The following PPARGC1A variants were observed in gnomAD, a reference collection of about 807,000 sequenced individuals.
The protein encoded by PPARGC1A is PPARG coactivator 1 alpha, also known as peroxisome proliferator-activated receptor gamma coactivator 1-alpha.
PPARGC1A carries 25 observed loss-of-function variants against 88.7 expected under a neutral mutation model. That is an observed-to-expected ratio of 0.28 (90% CI 0.21 to 0.39). PPARGC1A has a LOEUF of 0.39. Among genes scored for constraint, PPARGC1A ranks in the 10% least tolerant of loss-of-function variants. The pLI, the probability that PPARGC1A is intolerant of heterozygous loss-of-function variation, is 1.00. For missense variants in PPARGC1A, 880 were observed against 968.7 expected, an observed-to-expected ratio of 0.91 and a Z score of 1.22; for synonymous variants, 363 against 355.6, an observed-to-expected ratio of 1.02 and a Z score of -0.24.
At chr4:24,260,986 G>C in the PPARGC1A span, among the ~76,000 whole-genome samples, 1 of 152,012 alleles carries the variant, frequency 6.6e-6, no homozygotes, top group East Asian at 1.9e-4. Context: ...TGTGCACATG[G>C]GTTCATACAT....
chr4:24,143,864 A>G, the PPARGC1A span, among the ~76,000 whole-genome samples: 1 of 152,236 alleles, frequency 6.6e-6, no homozygotes, highest in Non-Finnish European at 1.5e-5. Context: ...CAAATTGGGG[A>G]CAAGCCAGTG....
chr4:24,462,629 G>C, the PPARGC1A span, among the ~76,000 whole-genome samples: 6 of 151,774 alleles, frequency 4.0e-5, no homozygotes, highest in Non-Finnish European at 7.4e-5. Context: ...AGGGTAATTT[G>C]ATGATGAAAT....
At chr4:24,114,878 A>G in the PPARGC1A span, among the ~76,000 whole-genome samples, 1 of 152,280 alleles carries the variant, frequency 6.6e-6, no homozygotes, top group East Asian at 1.9e-4. Context: ...TGTGTAGGCC[A>G]TTCTACTAAC....
the PPARGC1A span, among the ~76,000 whole-genome samples, chr4:24,431,955 G>A: frequency 6.6e-6 from 1 of 152,176 alleles, no homozygotes; most frequent in Non-Finnish European, 1.5e-5. Context: ...AGGTTGTTGG[G>A]AACCTTAGAA....
At chr4:24,410,571 T>C in the PPARGC1A span, among the ~76,000 whole-genome samples, 1 of 152,178 alleles carries the variant, frequency 6.6e-6, no homozygotes, top group Admixed American at 6.5e-5. Context: ...CCTGGATGTG[T>C]CTGTTAGGAT....
chr4:23,824,690 T>C (rs1342801190), intron 5 of PPARGC1A, among the ~76,000 whole-genome samples, 182 bp from the exon 6 acceptor site: 1 of 152,088 alleles, frequency 6.6e-6, no homozygotes, highest in Non-Finnish European at 1.5e-5. Flanking sequence ...CCAAACAGCG[T>C]TTGCATCAGT....
chr4:24,177,016 G>A, the PPARGC1A span, among the ~76,000 whole-genome samples: 3 of 152,146 alleles, frequency 2.0e-5, no homozygotes, highest in African/African-American at 7.2e-5. Flanking sequence ...TACACTGTTG[G>A]TGGGACTGTA....
chr4:24,470,324 A>ACACACACACACT, the PPARGC1A span, among the ~76,000 whole-genome samples: 93 of 107,838 alleles, frequency 8.6e-4, 1 homozygote, highest in African/African-American at 3.0e-3. This position sits in a 1 kb window ranked among gnomAD's most constrained non-coding sequence, Gnocchi z 5.8. Context: ...ACACACACAC[A>ACACACACACACT]CTCTCTCACA....
At chr4:24,409,008 AG>A in the PPARGC1A span, among the ~76,000 whole-genome samples, 6 of 152,226 alleles carry the variant, frequency 3.9e-5, no homozygotes, top group Admixed American at 6.5e-5. Context: ...CCAGTTGAGG[AG>A]GGGGGTAGAG....
Position 23,807,927 on chromosome 4 carries a change from C to T in PPARGC1A, c.2019+4820G>A, listed in dbSNP as rs189934476. ...TTAGAGTCACAATATAACATATACTCACCCACACAAAATATCTCTTTAAAG... is the reference window on the plus strand; with the variant it reads ...TTAGAGTCACAATATAACATATACTTACCCACACAAAATATCTCTTTAAAG... On this transcript the variant is annotated intron_variant, in intron 10 of 12. Transcript: ENST00000264867. Among the ~76,000 whole-genome samples the T allele has an allele frequency of 2.9e-3, 445 of 152,134 alleles. 2 individuals are homozygous for T. The highest frequency in any genetic ancestry group is 0.01 in the African/African-American group (419 of 41,500).
the PPARGC1A span, among the ~76,000 whole-genome samples, chr4:23,977,505 G>C: frequency 2.0e-5 from 3 of 152,080 alleles, no homozygotes; most frequent in African/African-American, 7.2e-5. Context: ...ATCTTATATA[G>C]GGCTACAATG....
the PPARGC1A span, among the ~76,000 whole-genome samples, chr4:23,949,414 G>C: frequency 6.6e-6 from 1 of 152,138 alleles, no homozygotes; most frequent in Non-Finnish European, 1.5e-5. Context: ...GCTGGCTATA[G>C]CTGCCAGCCA....
the PPARGC1A span, chr4:24,091,420 G>A: frequency 2.0e-6 from 2 of 980,376 alleles, no homozygotes; most frequent in African/African-American, 3.5e-5. Flanking sequence ...GGAGCCAAAA[G>A]AGTTGAGAGA....
At chr4:24,162,763 TG>T in the PPARGC1A span, among the ~76,000 whole-genome samples, 1 of 151,808 alleles carries the variant, frequency 6.6e-6, no homozygotes, top group Non-Finnish European at 1.5e-5. Context: ...ATCTAATTTT[TG>T]TATTTTTTTA....
At chr4:24,114,123 C>CA in the PPARGC1A span, among the ~76,000 whole-genome samples, 23,943 of 61,334 alleles carry the variant, frequency 0.39, 3,780 homozygotes, top group East Asian at 0.56. Context: ...GACTCCATCA[C>CA]AAAAAAAAAA....
chr4:23,972,941 G>A, the PPARGC1A span, among the ~76,000 whole-genome samples: 1 of 152,140 alleles, frequency 6.6e-6, no homozygotes, highest in Non-Finnish European at 1.5e-5. Context: ...TCCTATGTGT[G>A]CCAGTGATGT....
chr4:23,913,998 T>C, the PPARGC1A span, among the ~76,000 whole-genome samples: 4 of 152,234 alleles, frequency 2.6e-5, no homozygotes, highest in Admixed American at 6.5e-5. Flanking sequence ...ATATTTATAT[T>C]AATGTTATGT....
chr4:24,384,978 A>C, the PPARGC1A span, among the ~76,000 whole-genome samples: 2 of 152,208 alleles, frequency 1.3e-5, no homozygotes, highest in Admixed American at 6.5e-5. Context: ...TCTACAATTG[A>C]CCACATAATT....
the PPARGC1A span, among the ~76,000 whole-genome samples, chr4:24,447,589 G>A: frequency 1.3e-5 from 2 of 152,332 alleles, no homozygotes; most frequent in East Asian, 3.9e-4. Flanking sequence ...TCACCTTGGA[G>A]TCCATGATGT....
Sources: gnomAD v4.1 joint callset for allele counts (sites outside exome capture counted in the v4.1 genomes callset) on GRCh38, gnomAD v4.1.1 for gene constraint, Gnocchi (gnomAD v3.1) non-coding constraint, MANE v1.5 for transcripts, NCBI Gene and HGNC (gene_info 2026-07-23, HGNC 2026-07-21) for gene names.